Variants in CNTROB observed in about 807,000 individuals in gnomAD.
The protein encoded by CNTROB is centrobin, centriole duplication and spindle assembly protein.
CNTROB carries 82 observed loss-of-function variants against 115.7 expected under a neutral mutation model. The ratio of observed to expected loss-of-function variants is 0.71; its 90% confidence interval spans 0.59 to 0.85. The LOEUF (loss-of-function observed/expected upper bound fraction) is 0.85. Among genes scored for constraint, CNTROB ranks in the 40% least tolerant of loss-of-function variants. The pLI is 0.00. For missense variants in CNTROB, 1,014 were observed against 1,144.4 expected, an observed-to-expected ratio of 0.89 and a Z score of 1.64; for synonymous variants, 439 against 456.4, an observed-to-expected ratio of 0.96 and a Z score of 0.49.
chr17:7,939,351 C>T lies in CNTROB; in HGVS notation c.928-162C>T, dbSNP rs1157361876. On this transcript the variant is annotated intron_variant, in intron 7 of 18. Coordinates refer to ENST00000563694, the MANE Select transcript of CNTROB (RefSeq NM_053051.5). This position sits in a 1 kb window ranked among gnomAD's most constrained non-coding sequence, Gnocchi z 4.4. ...TCAGGTAATCTGCCTGCCTTGGCCTCCCAAAATGCTGGGATTACAGGTGTG... is the reference window on the plus strand; with the variant it reads ...TCAGGTAATCTGCCTGCCTTGGCCTTCCAAAATGCTGGGATTACAGGTGTG... 6.6e-6 allele frequency among the ~76,000 whole-genome samples: 1 copy of T among 152,170 alleles called. No individual in the cohort carries two copies. Among genetic ancestry groups the T allele is most frequent in the African/African-American group, 2.4e-5 (1 of 41,440 alleles).
At position 7,949,401 on chromosome 17, in the gene CNTROB, T is replaced by C; in HGVS notation, c.2603T>C (p.Val868Ala). Reference sequence around the variant, plus strand: ...AACTCTCAGATTCCCTCCCAGGCTGTCCCTCGCCGCCTTGCTACAGCCCCC... The same window carrying C: ...AACTCTCAGATTCCCTCCCAGGCTGCCCCTCGCCGCCTTGCTACAGCCCCC... Reference protein sequence around the residue: ...IPRKEIPSQAVPRRLATAPKT... With the variant: ...IPRKEIPSQAAPRRLATAPKT... Residue 868 changes from valine (V) to alanine (A), a missense_variant, in exon 19 of 19, where the codon GTC becomes GCC. Coordinates refer to ENST00000563694, the MANE Select transcript of CNTROB (RefSeq NM_053051.5). The C allele has an allele frequency of 6.2e-7, 1 of 1,614,038 alleles. No homozygotes were observed. Among genetic ancestry groups the C allele is most frequent in the Non-Finnish European group, 8.5e-7 (1 of 1,180,000 alleles).
chr17:7,944,109 C>A lies in CNTROB; in HGVS notation c.1446-14C>A. ...CTCCAGTCTCAGGCCTCTTCTCCTACCTGTGCCCTGTAGGAAGCAGCTGCA... is the reference window on the plus strand; with the variant it reads ...CTCCAGTCTCAGGCCTCTTCTCCTAACTGTGCCCTGTAGGAAGCAGCTGCA... On this transcript the variant is annotated splice_polypyrimidine_tract_variant and intron_variant, in intron 10 of 18. Coordinates refer to ENST00000563694, the MANE Select transcript of CNTROB (RefSeq NM_053051.5). The surrounding 1 kb of genome is among the most constrained non-coding windows in gnomAD (Gnocchi z 4.0). 6.2e-7 allele frequency: 1 copy of A among 1,602,916 alleles called. No individual in the cohort carries two copies. The highest frequency in any genetic ancestry group is 8.5e-7 in the Non-Finnish European group (1 of 1,169,986).
At chr17:7,935,426 T>C (rs915508128) in intron 4 of CNTROB, among the ~76,000 whole-genome samples, 20 of 150,814 alleles carry the variant, frequency 1.3e-4, no homozygotes, top group Non-Finnish European at 2.4e-4. Flanking sequence ...GGCGTGAACC[T>C]GGGAGGCGGA....
Position 7,947,901 on chromosome 17 carries a change from C to G in CNTROB, c.2146-15C>G, listed in dbSNP as rs1974742391. On this transcript the variant is annotated splice_polypyrimidine_tract_variant and intron_variant, in intron 14 of 18. Transcript: ENST00000563694. ...ATCAGTCCCTAGGGAACTTGACAAT[C>G]TTATTCACCCACAGTTGCTGGAGAC... is the stretch of plus-strand genomic sequence containing the variant. 1 of 1,613,590 alleles carries G rather than the reference C, an allele frequency of 6.2e-7. No individual in the cohort carries two copies. The highest frequency in any genetic ancestry group is 8.5e-7 in the Non-Finnish European group (1 of 1,179,536).
In CNTROB at chr17:7,948,006, G is replaced by A; in HGVS notation, c.2209+27G>A. The A allele has an allele frequency of 6.2e-7, 1 of 1,608,820 alleles. No individual in the cohort carries two copies. The highest frequency in any genetic ancestry group is 8.5e-7 in the Non-Finnish European group (1 of 1,175,254). On this transcript the variant is annotated intron_variant, in intron 15 of 18. Coordinates refer to ENST00000563694, the MANE Select transcript of CNTROB (RefSeq NM_053051.5). This position sits in a 1 kb window ranked among gnomAD's most constrained non-coding sequence, Gnocchi z 4.4. ...TGAGTTCCAACTCTGAAGAAGGTTG[G>A]GGCTGGGGCCTAGGAAAGATCGGAG... is the stretch of plus-strand genomic sequence containing the variant.
Position 7,948,130 on chromosome 17 carries a change from A to G in CNTROB, c.2210-27A>G. ...CCTTGGTTCTATGCCCCATTTCCTGATTCTTGGCATTCTTTCCTTTTGCTA... is the reference window on the plus strand; with the variant it reads ...CCTTGGTTCTATGCCCCATTTCCTGGTTCTTGGCATTCTTTCCTTTTGCTA... On this transcript the variant is annotated intron_variant, in intron 15 of 18. Transcript: ENST00000563694. This position sits in a 1 kb window ranked among gnomAD's most constrained non-coding sequence, Gnocchi z 4.4. The G allele has an allele frequency of 6.2e-7, 1 of 1,613,718 alleles. No individual in the cohort carries two copies. The highest frequency in any genetic ancestry group is 1.3e-5 in the African/African-American group (1 of 74,936).
chr17:7,947,894 T>A, intron 14 of CNTROB, 22 bp from the exon 15 acceptor site: 1 of 1,613,392 alleles, frequency 6.2e-7, no homozygotes, highest in African/African-American at 1.3e-5. Context: ...CTAGGGAACT[T>A]GACAATCTTA....
In CNTROB at chr17:7,932,957, A is replaced by G. The variant is rs1307163843; in HGVS notation, c.-123A>G. 9.3e-7 allele frequency: 1 copy of G among 1,080,048 alleles called. No individual in the cohort carries two copies. The highest frequency in any genetic ancestry group is 1.6e-5 in the African/African-American group (1 of 63,164). 66.9% of individuals were successfully genotyped at this position (1,080,048 alleles called of 1,614,324 possible). On this transcript the variant is annotated 5_prime_UTR_variant, in exon 1 of 19. Coordinates refer to ENST00000563694, the MANE Select transcript of CNTROB (RefSeq NM_053051.5). ...CCTCGATATCCTTAATTCACCAAGG[A>G]TCCTTGGCGTGGAGTCTTCCTCCCT...
intron 7 of CNTROB, among the ~76,000 whole-genome samples, 200 bp downstream of exon 7, chr17:7,937,462 T>G (rs1367227671): frequency 6.6e-6 from 1 of 152,184 alleles, no homozygotes; most frequent in Non-Finnish European, 1.5e-5. Flanking sequence ...TTTGAGAAAC[T>G]CTGCAAATTG....
intron 12 of CNTROB, 56 bp from the exon 13 acceptor site, chr17:7,945,672 T>A: frequency 6.5e-7 from 1 of 1,549,642 alleles, no homozygotes; most frequent in Non-Finnish European, 8.8e-7. Flanking sequence ...GTACCATGTC[T>A]TATCTCTTTA....
intron 6 of CNTROB, 109 bp from the exon 7 acceptor site, chr17:7,937,055 C>T (rs761593379): frequency 5.9e-5 from 81 of 1,376,978 alleles, no homozygotes; most frequent in Non-Finnish European, 7.9e-5. Flanking sequence ...GCCCCTTAGT[C>T]ATTTAGTTAA....
rs2151769772 is a variant in CNTROB at position 7,944,766 on chromosome 17, C to T, written c.1734+128C>T. ...GATCATAGCTCATTGCAGCCTCGAA[C>T]TCCTGGGCTCAAGTGATCCTCCCAC... is the stretch of plus-strand genomic sequence containing the variant. On this transcript the variant is annotated intron_variant, in intron 12 of 18. Transcript: ENST00000563694. This position sits in a 1 kb window ranked among gnomAD's most constrained non-coding sequence, Gnocchi z 4.0. 1.8e-6 allele frequency: 2 copies of T among 1,122,902 alleles called. No individual in the cohort carries two copies. Among genetic ancestry groups the T allele is most frequent in the African/African-American group, 3.1e-5 (2 of 63,906 alleles). The allele number at this position is 1,122,902 out of a possible 1,614,324, so 69.6% of individuals were successfully genotyped here. A position where few individuals can be genotyped will look rare whatever the true frequency, so the allele number is the denominator to read the frequency against.
At position 7,948,118 on chromosome 17, in the gene CNTROB, C is replaced by T. The variant is rs370752206; in HGVS notation, c.2210-39C>T. 1 of 1,611,896 alleles carries T rather than the reference C, an allele frequency of 6.2e-7. No individual in the cohort carries two copies. Among genetic ancestry groups the T allele is most frequent in the African/African-American group, 1.3e-5 (1 of 74,788 alleles). On this transcript the variant is annotated intron_variant, in intron 15 of 18. Coordinates refer to ENST00000563694, the MANE Select transcript of CNTROB (RefSeq NM_053051.5). The surrounding 1 kb of genome is among the most constrained non-coding windows in gnomAD (Gnocchi z 4.4). ...GTGGTGGGACTTCCTTGGTTCTATG[C>T]CCCATTTCCTGATTCTTGGCATTCT...
rs770167850 is a variant in CNTROB, at chr17:7,949,522, C to G, written c.*12C>G. ...GAGTCTGGAGATGAGCCCCCCTACC[C>G]TCTCTCCTCTTTGTTCTCTCATTGT... On this transcript the variant is annotated 3_prime_UTR_variant, in exon 19 of 19. Transcript: ENST00000563694. 1 of 1,596,824 alleles carries G rather than the reference C, an allele frequency of 6.3e-7. No homozygotes were observed. Among genetic ancestry groups the G allele is most frequent in the African/African-American group, 1.4e-5 (1 of 73,812 alleles).
In CNTROB at chr17:7,940,188, G is replaced by A. The variant is rs773826052; in HGVS notation, c.1257G>A (p.Leu419=). Residue 419 remains leucine (L), a synonymous_variant, in exon 9 of 19, where the codon CTG becomes CTA. Transcript: ENST00000563694. ...AGGTGCGGCGGCTGGAAGGAGAGCT[G>A]GATACAGCTCGGAGAGAGAGAGATG... ...QSEVRRLEGE[L]DTARRERDAL... is the part of the protein sequence containing the mutation. 6.8e-6 allele frequency: 11 copies of A among 1,612,628 alleles called. No homozygotes were observed. The East Asian group carries it at 8.9e-5, about 13-fold the overall frequency.
At chr17:7,934,761 C>A (rs1366381751) in intron 3 of CNTROB, among the ~76,000 whole-genome samples, 1 of 152,192 alleles carries the variant, frequency 6.6e-6, no homozygotes, top group Non-Finnish European at 1.5e-5. Context: ...TTCTCTTAAC[C>A]TGCAGTCATT....
At position 7,937,241 on chromosome 17, in the gene CNTROB, G is replaced by A. The variant is rs1165131560; in HGVS notation, c.906G>A (p.Gln302=). The part of the protein sequence containing the change: ...LNREQESARL[Q]QRERETLEEE... The stretch of plus-strand genomic sequence containing the variant: ...GTGAGCAGGAAAGTGCCAGACTGCA[G>A]CAACGGGAAAGAGAGACACTGGTGA... Residue 302 remains glutamine (Q), a synonymous_variant, in exon 7 of 19, where the codon CAG becomes CAA. Transcript: ENST00000563694. 2 of 1,614,130 alleles carry A rather than the reference G, an allele frequency of 1.2e-6. No homozygotes were observed. The highest frequency in any genetic ancestry group is 1.7e-5 in the Admixed American group (1 of 60,016).
In CNTROB at chr17:7,939,880, A is replaced by G; in HGVS notation, c.1164+131A>G. ...TGGAGAGTAGAGAGCCATGTGTGGG[A>G]GACAAGGTTGAGAGTATAGGGCCAG... On this transcript the variant is annotated intron_variant, in intron 8 of 18. Coordinates refer to ENST00000563694, the MANE Select transcript of CNTROB (RefSeq NM_053051.5). This position sits in a 1 kb window ranked among gnomAD's most constrained non-coding sequence, Gnocchi z 4.4. 1 of 1,072,854 alleles carries G rather than the reference A, an allele frequency of 9.3e-7. No individual in the cohort carries two copies. The highest frequency in any genetic ancestry group is 1.4e-6 in the Non-Finnish European group (1 of 730,264). The allele number at this position is 1,072,854 out of a possible 1,614,324, so 66.5% of individuals were successfully genotyped here. A position where few individuals can be genotyped will look rare whatever the true frequency, so the allele number is the denominator to read the frequency against.
intron 6 of CNTROB, 110 bp downstream of exon 6, chr17:7,936,927 G>A (rs142384576): frequency 2.7e-6 from 2 of 753,844 alleles, no homozygotes; most frequent in Non-Finnish European, 4.8e-6. Flanking sequence ...CCTCAGTCTT[G>A]TAGTGGCTGT....
Sources: allele counts gnomAD v4.1 joint callset (sites outside exome capture counted in the v4.1 genomes callset), GRCh38; gene constraint gnomAD v4.1.1; non-coding constraint Gnocchi (gnomAD v3.1); transcripts MANE v1.5; gene names NCBI Gene and HGNC (gene_info 2026-07-23, HGNC 2026-07-21).